Variants in DMD observed in about 807,000 individuals in gnomAD.
The protein encoded by DMD is dystrophin.
Under a neutral mutation model 330.1 loss-of-function variants are expected in DMD, and 63 were observed. That is an observed-to-expected ratio of 0.19 (90% CI 0.16 to 0.24). The LOEUF is 0.24. Among genes scored for constraint, DMD ranks in the 10% least tolerant of loss-of-function variants. The pLI is 1.00. For synonymous variants in DMD, 1,223 were observed against 959.8 expected (o/e 1.27, Z -5.07); for missense variants, 3,344 against 2,684.1 (o/e 1.25, Z -5.43).
At chrX:33,303,623 G>A (rs1002402635) in intron 1 of DMD, among the ~76,000 whole-genome samples, 5 of 111,348 alleles carry the variant, frequency 4.5e-5, no homozygotes, top group African/African-American at 1.6e-4. Flanking sequence ...TCATGGGGGT[G>A]GTTTCCCCAT....
intron 1 of DMD, among the ~76,000 whole-genome samples, chrX:33,168,430 A>C (rs1168675323): frequency 9.1e-6 from 1 of 109,805 alleles, no homozygotes; most frequent in East Asian, 2.8e-4. Context: ...ATACTCTGAA[A>C]GTTGTTTTTG....
intron 7 of DMD, among the ~76,000 whole-genome samples, chrX:32,796,666 C>A (rs2076203969): frequency 8.9e-6 from 1 of 111,847 alleles, no homozygotes; most frequent in Non-Finnish European, 1.9e-5. Flanking sequence ...AATACACTGA[C>A]TTGACCATTA....
intron 2 of DMD, among the ~76,000 whole-genome samples, chrX:32,867,573 G>A (rs1311856353): frequency 9.0e-6 from 1 of 111,725 alleles, no homozygotes; most frequent in Non-Finnish European, 1.9e-5. Context: ...AACTACAAAA[G>A]GTACCTAATT....
At chrX:32,656,901 A>G (rs1353217622) in intron 9 of DMD, among the ~76,000 whole-genome samples, 1 of 111,869 alleles carries the variant, frequency 8.9e-6, no homozygotes, top group Non-Finnish European at 1.9e-5. Flanking sequence ...GTAATATGGC[A>G]TAAAATATTC....
At chrX:31,287,467 C>T (rs1484833934) in intron 62 of DMD, among the ~76,000 whole-genome samples, 1 of 112,370 alleles carries the variant, frequency 8.9e-6, no homozygotes, top group Non-Finnish European at 1.9e-5. Context: ...ACATTGATGA[C>T]GACTCCTTAT....
At chrX:33,141,854 A>G (rs1455860196) in intron 1 of DMD, among the ~76,000 whole-genome samples, 1 of 111,944 alleles carries the variant, frequency 8.9e-6, no homozygotes, top group East Asian at 2.8e-4. Flanking sequence ...ATACACTACC[A>G]AAAAGTGACT....
intron 2 of DMD, among the ~76,000 whole-genome samples, chrX:32,883,832 A>C (rs1246946578): frequency 2.3e-5 from 2 of 88,769 alleles, no homozygotes; most frequent in Non-Finnish European, 4.6e-5. Flanking sequence ...TCAAAAAAAA[A>C]AAAAAAAAAA....
intron 47 of DMD, among the ~76,000 whole-genome samples, chrX:31,914,913 T>G (rs1021398228): frequency 8.9e-6 from 1 of 112,634 alleles, no homozygotes; most frequent in East Asian, 2.8e-4. Context: ...ACACAAAAGA[T>G]TAATGCTGGA....
chrX:33,286,745 C>A (rs1463577725), intron 1 of DMD, among the ~76,000 whole-genome samples: 1 of 111,958 alleles, frequency 8.9e-6, no homozygotes, highest in Non-Finnish European at 1.9e-5. Flanking sequence ...CCACTCCATA[C>A]CCAGGTAGTA....
At chrX:31,236,747 TTTTCA>T (rs2047761821) in intron 63 of DMD, among the ~76,000 whole-genome samples, 2 of 111,956 alleles carry the variant, frequency 1.8e-5, no homozygotes, top group Non-Finnish European at 3.8e-5. Flanking sequence ...ATCAACTAGT[TTTTCA>T]TTAACTCTTT....
intron 62 of DMD, among the ~76,000 whole-genome samples, chrX:31,284,557 TTTC>T (rs201340042): frequency 0.044 from 3,415 of 78,033 alleles, 130 homozygotes; most frequent in East Asian, 0.18. Context: ...TAACGAACTG[TTTC>T]TTCTTCTTCT....
chrX:31,700,620 T>C lies in DMD; in HGVS notation c.7661-21034A>G, dbSNP rs1055689851. The stretch of plus-strand genomic sequence containing the variant: ...GTTTTTACCACTGGTTGGAGGATAA[T>C]AGATTATGAAAAAATATCAACATCC... On this transcript the variant is annotated intron_variant, in intron 52 of 78. Coordinates refer to ENST00000357033, the MANE Select transcript of DMD (RefSeq NM_004006.3). Among the ~76,000 whole-genome samples the C allele has an allele frequency of 3.6e-5, 4 of 112,060 alleles. No homozygotes were observed. In the South Asian group the frequency reaches 1.5e-3, roughly 41 times the overall value.
Position 32,718,839 on chromosome X carries a change from G to C in DMD, c.650-19546C>G, listed in dbSNP as rs1005767912. Among the ~76,000 whole-genome samples, 8 of 112,104 alleles carry C rather than the reference G, an allele frequency of 7.1e-5. No individual in the cohort carries two copies. In the Admixed American group the frequency reaches 7.6e-4, roughly 11 times the overall value. On this transcript the variant is annotated intron_variant, in intron 7 of 78. Coordinates refer to ENST00000357033, the MANE Select transcript of DMD (RefSeq NM_004006.3). ...TTGCTCTTTAAAATATATGGCAAATGTGGATGGAAGTACACACTTAGCAAA... is the reference window on the plus strand; with the variant it reads ...TTGCTCTTTAAAATATATGGCAAATCTGGATGGAAGTACACACTTAGCAAA...
chrX:32,696,264 A>G (rs1167898451), intron 9 of DMD, among the ~76,000 whole-genome samples: 1 of 111,935 alleles, frequency 8.9e-6, no homozygotes, highest in Non-Finnish European at 1.9e-5. Context: ...TTTGAAATAA[A>G]TGTTCTTAGT....
At chrX:31,518,734 C>T (rs2072479843) in intron 55 of DMD, among the ~76,000 whole-genome samples, 1 of 111,073 alleles carries the variant, frequency 9.0e-6, no homozygotes, top group Non-Finnish European at 1.9e-5. Flanking sequence ...TTTACACCAA[C>T]TCTATGAAAT....
intron 45 of DMD, among the ~76,000 whole-genome samples, chrX:31,960,105 A>G (rs1407006890): frequency 9.2e-6 from 1 of 108,647 alleles, no homozygotes; most frequent in East Asian, 2.9e-4. Flanking sequence ...AAAGCATTCA[A>G]TTTAGTATTC....
intron 20 of DMD, among the ~76,000 whole-genome samples, chrX:32,485,639 A>G (rs946035383): frequency 9.3e-6 from 1 of 107,131 alleles, no homozygotes; most frequent in Non-Finnish European, 1.9e-5. Context: ...ATACTTATAC[A>G]TATGTATGTA....
intron 11 of DMD, among the ~76,000 whole-genome samples, chrX:32,616,359 T>A (rs1276129077): frequency 1.8e-5 from 2 of 111,258 alleles, no homozygotes; most frequent in African/African-American, 3.3e-5. Flanking sequence ...TTTGGAGTTT[T>A]TTCTGCATTG....
intron 44 of DMD, among the ~76,000 whole-genome samples, chrX:32,162,342 A>G (rs112828460): frequency 0.017 from 1,857 of 110,959 alleles, 40 homozygotes; most frequent in African/African-American, 0.054. Flanking sequence ...CCTCTCATAC[A>G]GAAGTGCCAG....
Sources: allele counts gnomAD v4.1 joint callset (sites outside exome capture counted in the v4.1 genomes callset), GRCh38; gene constraint gnomAD v4.1.1; transcripts MANE v1.5; gene names NCBI Gene and HGNC (gene_info 2026-07-23, HGNC 2026-07-21).